Variants in ADGRG7 observed in about 807,000 individuals in gnomAD.
ADGRG7 encodes the protein adhesion G protein-coupled receptor G7.
A neutral mutation model predicts 88.6 loss-of-function variants in ADGRG7; 82 were observed. That is an observed-to-expected ratio of 0.93 (90% confidence interval 0.77 to 1.11). The LOEUF (loss-of-function observed/expected upper bound fraction) is 1.11. Ranked by LOEUF, ADGRG7 falls within the 50% of genes most tolerant of loss-of-function variation. The pLI is 0.00. For synonymous variants in ADGRG7, 381 were observed against 345.2 expected (o/e 1.10, Z -1.15); for missense variants, 945 against 953.4 (o/e 0.99, Z 0.12).
chr3:100,659,874 G>C (rs370120695), intron 14 of ADGRG7, 31 bp downstream of exon 14: 11 of 1,607,134 alleles, frequency 6.8e-6, no homozygotes, highest in Non-Finnish European at 9.4e-6. Context: ...GAAGCTGCCA[G>C]GCAAGGCTCA....
At chr3:100,625,675 A>G (rs1707371116) in intron 1 of ADGRG7, among the ~76,000 whole-genome samples, 1 of 152,208 alleles carries the variant, frequency 6.6e-6, no homozygotes, top group African/African-American at 2.4e-5. Flanking sequence ...TATCATAAAC[A>G]GCTCTTATTA....
chr3:100,688,414 G>T (rs2094987047), intron 15 of ADGRG7, among the ~76,000 whole-genome samples: 1 of 152,094 alleles, frequency 6.6e-6, no homozygotes, highest in Non-Finnish European at 1.5e-5. Context: ...CTTGCCTTCT[G>T]CTGGCTTTTG....
chr3:100,665,319 G>A, intron 14 of ADGRG7: 1 of 540,800 alleles, frequency 1.8e-6, no homozygotes, highest in Non-Finnish European at 3.8e-6. Context: ...AAGTTCATCT[G>A]GTGAAATACC....
chr3:100,678,112 T>G (rs1296690279), intron 15 of ADGRG7, among the ~76,000 whole-genome samples: 1 of 151,270 alleles, frequency 6.6e-6, no homozygotes, highest in Non-Finnish European at 1.5e-5. Context: ...CATTAATTTT[T>G]ATTCTTTTTT....
intron 15 of ADGRG7, among the ~76,000 whole-genome samples, chr3:100,680,657 A>G: frequency 6.6e-6 from 1 of 152,132 alleles, no homozygotes; most frequent in Admixed American, 6.5e-5. Context: ...ATTAAATTTC[A>G]TTAACTTTTC....
chr3:100,642,620 G>T (rs1171738906), intron 6 of ADGRG7, among the ~76,000 whole-genome samples: 1 of 152,166 alleles, frequency 6.6e-6, no homozygotes, highest in Non-Finnish European at 1.5e-5. Context: ...AAAAAGAAAA[G>T]GTCTTATGAC....
intron 1 of ADGRG7, among the ~76,000 whole-genome samples, chr3:100,616,391 A>G (rs1305367145): frequency 6.6e-6 from 1 of 152,198 alleles, no homozygotes; most frequent in Non-Finnish European, 1.5e-5. Context: ...TACAGGAGAA[A>G]AATAAAAAAA....
chr3:100,637,816 A>C (rs1707570804), intron 6 of ADGRG7, among the ~76,000 whole-genome samples: 1 of 152,100 alleles, frequency 6.6e-6, no homozygotes, highest in Non-Finnish European at 1.5e-5. Context: ...CTCTCTTTCC[A>C]AGGCCCTGGT....
intron 1 of ADGRG7, among the ~76,000 whole-genome samples, chr3:100,616,675 A>G (rs1676349): frequency 0.31 from 47,377 of 151,844 alleles, 7,795 homozygotes; most frequent in Non-Finnish European, 0.35. Context: ...TTCAAAAATA[A>G]CCAGGCGTAG....
At chr3:100,624,329 T>C (rs1707353043) in intron 1 of ADGRG7, among the ~76,000 whole-genome samples, 1 of 152,218 alleles carries the variant, frequency 6.6e-6, no homozygotes, top group Non-Finnish European at 1.5e-5. Context: ...GTTGGCTGCA[T>C]AAATGTCTTC....
chr3:100,671,240 A>T (rs1441424916), intron 15 of ADGRG7, among the ~76,000 whole-genome samples: 4 of 152,186 alleles, frequency 2.6e-5, no homozygotes, highest in Non-Finnish European at 5.9e-5. Context: ...AATGATCGCC[A>T]TTCTAATTGG....
At chr3:100,666,411 C>T (rs1006351164) in intron 14 of ADGRG7, among the ~76,000 whole-genome samples, 1 of 152,110 alleles carries the variant, frequency 6.6e-6, no homozygotes, top group African/African-American at 2.4e-5. Flanking sequence ...GAACAAAGGT[C>T]TTTGCATCAT....
intron 13 of ADGRG7, among the ~76,000 whole-genome samples, chr3:100,659,464 AG>A (rs1189131297): frequency 1.2e-3 from 173 of 148,862 alleles, no homozygotes; most frequent in African/African-American, 3.0e-3. Flanking sequence ...AAAAAAAAAA[AG>A]GCCCATCAAT....
chr3:100,627,164 A>G (rs995003145), intron 1 of ADGRG7, among the ~76,000 whole-genome samples: 2 of 152,136 alleles, frequency 1.3e-5, no homozygotes, highest in Admixed American at 6.5e-5. Flanking sequence ...CTTAGGAGAG[A>G]CAGTATTCAA....
chr3:100,629,616 C>G lies in ADGRG7; in HGVS notation c.134C>G (p.Ser45Ter). Residue 45 changes from serine (S) to a stop codon, truncating the protein, a stop_gained, in exon 2 of 16, where the codon TCA becomes TGA. Transcript: ENST00000273352. LOFTEE classifies it high-confidence loss of function. ...TCTTTAGGAAAATCTACTTCCTCAT[C>G]AAGCACCCCTACAGAGTTCTGCAGG... ...RIQRGKSTSS[S>*]STPTEFCRNG... The G allele has an allele frequency of 6.2e-7, 1 of 1,612,418 alleles. No homozygotes were observed. Among genetic ancestry groups the G allele is most frequent in the Non-Finnish European group, 8.5e-7 (1 of 1,178,718 alleles).
At chr3:100,651,999 T>C (rs991454661) in intron 11 of ADGRG7, among the ~76,000 whole-genome samples, 2 of 152,114 alleles carry the variant, frequency 1.3e-5, no homozygotes, top group Non-Finnish European at 2.9e-5. Flanking sequence ...TGTGATGCAA[T>C]CTCATTGTAA....
At chr3:100,644,870 T>C (rs1379591383) in intron 8 of ADGRG7, among the ~76,000 whole-genome samples, 1 of 152,092 alleles carries the variant, frequency 6.6e-6, no homozygotes, top group Non-Finnish European at 1.5e-5. Context: ...AAAGAAACCT[T>C]GCTCCATTAT....
intron 15 of ADGRG7, among the ~76,000 whole-genome samples, chr3:100,675,778 C>T (rs1194275064): frequency 6.6e-6 from 1 of 152,102 alleles, no homozygotes; most frequent in Non-Finnish European, 1.5e-5. Flanking sequence ...CAGCTTCTGT[C>T]TCATTACTTG....
chr3:100,628,993 A>T (rs974236215), intron 1 of ADGRG7, among the ~76,000 whole-genome samples: 1 of 152,116 alleles, frequency 6.6e-6, no homozygotes, highest in Admixed American at 6.6e-5. Context: ...GTCCCTTCCA[A>T]TTGAATCTAT....
Sources: allele counts gnomAD v4.1 joint callset (sites outside exome capture counted in the v4.1 genomes callset), GRCh38; gene constraint gnomAD v4.1.1; transcripts MANE v1.5; gene names NCBI Gene and HGNC (gene_info 2026-07-23, HGNC 2026-07-21).